Variants in BPI observed in about 807,000 individuals in gnomAD.
BPI encodes bactericidal permeability-increasing protein.
BPI carries 48 observed loss-of-function variants against 57.6 expected under a neutral mutation model. The observed-to-expected ratio is 0.83, with a 90% confidence interval of 0.66 to 1.06. The LOEUF is 1.06. Ranked by LOEUF, BPI falls within the 50% of genes least tolerant of loss-of-function variation. The pLI, the probability that BPI is intolerant of heterozygous loss-of-function variation, is 0.00. For synonymous variants in BPI, 237 were observed against 238.2 expected (o/e 0.99, Z 0.05); for missense variants, 651 against 609.7 (o/e 1.07, Z -0.71).
At chr20:38,319,553 G>A (rs184016820) in intron 6 of BPI, among the ~76,000 whole-genome samples, 71 of 152,360 alleles carry the variant, frequency 4.7e-4, no homozygotes, top group Admixed American at 7.8e-4. Context: ...AAAGATTTTG[G>A]TCTGAATGCC....
At chr20:38,307,483 G>A (rs2076602334) in intron 1 of BPI, 84 bp from the exon 2 acceptor site, 2 of 969,844 alleles carry the variant, frequency 2.1e-6, no homozygotes, top group African/African-American at 1.7e-5. Flanking sequence ...ACGAACAGGG[G>A]CCCAGGGTCC....
At chr20:38,306,726 G>A (rs181781863) in intron 1 of BPI, among the ~76,000 whole-genome samples, 1 of 152,318 alleles carries the variant, frequency 6.6e-6, no homozygotes, top group East Asian at 1.9e-4. Context: ...TGGGGGTGTA[G>A]CATAGAGCAA....
chr20:38,317,949 A>G (rs1355029042), intron 5 of BPI: 6 of 985,234 alleles, frequency 6.1e-6, no homozygotes, highest in African/African-American at 3.5e-5. Context: ...CATACCAAAC[A>G]TGAGGGTGCC....
chr20:38,330,619 T>C (rs1239305651), intron 11 of BPI, among the ~76,000 whole-genome samples: 1 of 152,258 alleles, frequency 6.6e-6, no homozygotes. Flanking sequence ...TCCTCTGTGC[T>C]GGCTTCATTG....
At position 38,310,558 on chromosome 20, in the gene BPI, A is replaced by G. The variant is rs745757472; in HGVS notation, c.442A>G (p.Ser148Gly). ...CATTTCGGCTGATCTGAAGCTGGGC[A>G]GTAACCCCACGTCAGGCAAGCCCAC... ...MSISADLKLG[S>G]NPTSGKPTIT... The change falls in exon 4 of 15, where the codon AGT (serine) becomes GGT (glycine). Residue 148 changes from serine (S) to glycine (G), a missense_variant. Transcript: ENST00000642449. 1.2e-6 allele frequency: 2 copies of G among 1,614,228 alleles called. No individual in the cohort carries two copies. The highest frequency in any genetic ancestry group is 8.5e-7 in the Non-Finnish European group (1 of 1,180,030).
At chr20:38,320,313 T>C (rs1018426839) in intron 7 of BPI, 39 bp downstream of exon 7, 42 of 1,578,700 alleles carry the variant, frequency 2.7e-5, no homozygotes, top group Non-Finnish European at 3.6e-5. Flanking sequence ...CTCACACCTC[T>C]GTCTCAGACA....
At chr20:38,321,425 T>C (rs1207610157) in intron 7 of BPI, among the ~76,000 whole-genome samples, 1 of 152,126 alleles carries the variant, frequency 6.6e-6, no homozygotes, top group Non-Finnish European at 1.5e-5. Context: ...GCATTTGTCC[T>C]AGCTGTTCCC....
chr20:38,330,924 G>A, intron 11 of BPI, 124 bp from the exon 12 acceptor site: 3 of 1,084,910 alleles, frequency 2.8e-6, no homozygotes, highest in East Asian at 2.4e-5. Context: ...CCGTGGAAGG[G>A]GAGTGGATAC....
rs5743524 is a variant in BPI at position 38,326,388 on chromosome 20, G to A, written c.1117G>A (p.Val373Ile). Residue 373 changes from valine to isoleucine, a missense_variant, in exon 10 of 15, where the codon GTC (valine) becomes ATC (isoleucine). Physicochemically the swap from Val to Ile is conservative, Grantham distance 29. Transcript: ENST00000642449. The part of the protein sequence containing the change: ...YPAVDVQAFA[V>I]LPNSSLASLF... ...TGCCGTGGATGTCCAGGCCTTTGCC[G>A]TCCTCCCCAACTCCTCCCTGGCTTC... The A allele has an allele frequency of 7.1e-3, 11,397 of 1,613,976 alleles. 614 individuals are homozygous for A. The African/African-American group carries it at 0.12, about 18-fold the overall frequency.
chr20:38,318,134 C>A (rs1019235941), intron 5 of BPI: 6 of 711,200 alleles, frequency 8.4e-6, no homozygotes, highest in East Asian at 1.3e-4. Context: ...AAAAAAAAAA[C>A]CTTATAAAAT....
rs146270213 is a variant in BPI at position 38,309,063 on chromosome 20, G to A, written c.374+5G>A. On this transcript the variant is annotated splice_donor_5th_base_variant and intron_variant, in intron 3 of 14. Coordinates refer to ENST00000642449, the MANE Select transcript of BPI (RefSeq NM_001725.3). The stretch of plus-strand genomic sequence containing the variant: ...GAAGGCACAAAAGAGATTCTTGTGC[G>A]TTTCCATGCTTGCGGTTTGTTGGGT... The A allele has an allele frequency of 1.3e-3, 2,051 of 1,614,050 alleles. 4 individuals are homozygous for A. Among genetic ancestry groups the A allele is most frequent in the Middle Eastern group, 4.6e-3 (28 of 6,062 alleles).
intron 5 of BPI, among the ~76,000 whole-genome samples, chr20:38,313,182 C>A (rs904576504): frequency 1.3e-5 from 2 of 151,998 alleles, no homozygotes; most frequent in African/African-American, 4.8e-5. Context: ...GTTAGGAGTT[C>A]AAGACCAGCC....
intron 5 of BPI, among the ~76,000 whole-genome samples, chr20:38,316,350 G>A (rs567255375): frequency 1.3e-5 from 2 of 152,220 alleles, no homozygotes; most frequent in Non-Finnish European, 2.9e-5. Context: ...TTAAGAACCT[G>A]AAGAGTTTGG....
chr20:38,335,525 C>A, intron 13 of BPI, 73 bp from the exon 14 acceptor site: 1 of 1,386,166 alleles, frequency 7.2e-7, no homozygotes, highest in Non-Finnish European at 1.0e-6. Context: ...TCTACCCAGG[C>A]TCTCTGGCCC....
intron 9 of BPI, 52 bp from the exon 10 acceptor site, chr20:38,326,213 C>A: frequency 6.4e-7 from 1 of 1,560,410 alleles, no homozygotes; most frequent in Non-Finnish European, 8.7e-7. Flanking sequence ...GATTCAGAAA[C>A]ATTTTAACAG....
chr20:38,308,882 A>C (rs1179955689), intron 2 of BPI, 48 bp from the exon 3 acceptor site: 2 of 1,611,290 alleles, frequency 1.2e-6, no homozygotes, highest in Admixed American at 3.3e-5. Flanking sequence ...TCATGTGTGC[A>C]CCTAGGAGTA....
rs369411261 is a variant in BPI at position 38,337,201 on chromosome 20, G to A, written c.*17G>A. On this transcript the variant is annotated 3_prime_UTR_variant, in exon 15 of 15. Coordinates refer to ENST00000642449, the MANE Select transcript of BPI (RefSeq NM_001725.3). ...TATAAATGAAGGCACCAGGGGTGCC[G>A]GGGGCTGTCAGCCACACCTGTTCCT... The A allele has an allele frequency of 1.0e-5, 16 of 1,579,380 alleles. No individual in the cohort carries two copies. The highest frequency in any genetic ancestry group is 1.7e-4 in the Middle Eastern group (1 of 6,012).
At chr20:38,319,129 G>C (rs1427881747) in intron 6 of BPI, among the ~76,000 whole-genome samples, 1 of 152,204 alleles carries the variant, frequency 6.6e-6, no homozygotes, top group African/African-American at 2.4e-5. Flanking sequence ...CAGCTACTTA[G>C]GAGGCTGAGG....
Position 38,315,003 on chromosome 20 carries a change from A to G in BPI, c.600+3066A>G, listed in dbSNP as rs866551228. ...AGTTTCAATGGTGATAGCGAGGTTG[A>G]TGGTGATGGTGATGGTGGGGATGGT... On this transcript the variant is annotated intron_variant, in intron 5 of 14. Transcript: ENST00000642449. Among the ~76,000 whole-genome samples the G allele has an allele frequency of 2.7e-5, 4 of 149,902 alleles. No individual in the cohort carries two copies. The East Asian group carries it at 8.0e-4, about 30-fold the overall frequency.
Sources: allele counts gnomAD v4.1 joint callset (sites outside exome capture counted in the v4.1 genomes callset), GRCh38; gene constraint gnomAD v4.1.1; transcripts MANE v1.5; gene names NCBI Gene and HGNC (gene_info 2026-07-23, HGNC 2026-07-21).